Variants in SNAPC2 observed in about 807,000 individuals in gnomAD.
SNAPC2 encodes the protein small nuclear RNA activating complex polypeptide 2, also known as snRNA-activating protein complex subunit 2.
Under a neutral mutation model 22.9 loss-of-function variants are expected in SNAPC2, and 27 were observed. The ratio of observed to expected loss-of-function variants is 1.18; its 90% CI spans 0.87 to 1.63. The LOEUF is 1.63. Among genes scored for constraint, SNAPC2 ranks in the 40% most tolerant of loss-of-function variants. The probability of loss-of-function intolerance (pLI) is 0.00; values close to 1 mark genes in which losing one functional copy is unlikely to be tolerated. For synonymous variants in SNAPC2, 272 were observed against 201.0 expected (o/e 1.35, Z -2.99); for missense variants, 570 against 449.1 (o/e 1.27, Z -2.43).
In SNAPC2 at chr19:7,922,319, TG is replaced by T; in HGVS notation, c.659del (p.Gly220AlafsTer37). 6.2e-7 allele frequency: 1 copy of T among 1,613,666 alleles called. No individual in the cohort carries two copies. ...YKYLSSVSRS[G>X]RSPELSAAES... ...AGTACTTGTCCTCTGTCTCCCGAAG[TG>T]GCCGCAGCCCCGAGCTCTCAGCAGC... On this transcript the variant is annotated frameshift_variant, in exon 4 of 5. Transcript: ENST00000221573. LOFTEE classifies it low-confidence loss of function (END_TRUNC).
intron 1 of SNAPC2, 103 bp from the exon 2 acceptor site, chr19:7,921,320 G>A (rs1271277542): frequency 1.3e-5 from 21 of 1,571,312 alleles, no homozygotes; most frequent in Non-Finnish European, 1.8e-5. Flanking sequence ...GGAGACTAAG[G>A]CGCAGTAGCG....
chr19:7,921,127 G>A (rs999953537), intron 1 of SNAPC2: 2 of 1,331,318 alleles, frequency 1.5e-6, no homozygotes, highest in South Asian at 1.7e-5. Context: ...GAAGTGAGAG[G>A]GAATAGAGAA....
chr19:7,921,622 AGG>A, intron 2 of SNAPC2, 80 bp downstream of exon 2: 2 of 1,605,274 alleles, frequency 1.2e-6, no homozygotes, highest in Non-Finnish European at 1.7e-6. Flanking sequence ...TAACCTGATT[AGG>A]GGATCCCCAG....
chr19:7,921,908 G>C, intron 3 of SNAPC2, 127 bp from the exon 4 acceptor site: 2 of 1,382,918 alleles, frequency 1.4e-6, no homozygotes. Flanking sequence ...TCGAGCCTCA[G>C]TGTCCCTGGC....
In SNAPC2 at chr19:7,921,521, A is replaced by C; in HGVS notation, c.282A>C (p.Ala94=). ...TTCAGGGACCAAGGCGCCGGGAGGC[A>C]CAGCCCCCAGCCCCCATAGAGGTGA... ...GGLQGPRRRE[A]QPPAPIEVWT... is the part of the protein sequence containing the mutation. The change falls in exon 2 of 5, where the codon GCA becomes GCC. Residue 94 remains alanine, a synonymous_variant. Coordinates refer to ENST00000221573, the MANE Select transcript of SNAPC2 (RefSeq NM_003083.4). 6.2e-7 allele frequency: 1 copy of C among 1,613,406 alleles called. No individual in the cohort carries two copies. Among genetic ancestry groups the C allele is most frequent in the Non-Finnish European group, 8.5e-7 (1 of 1,179,684 alleles).
At position 7,922,586 on chromosome 19, in the gene SNAPC2, G is replaced by A. The variant is rs140072402; in HGVS notation, c.827G>A (p.Gly276Glu). 3.2e-5 allele frequency: 52 copies of A among 1,613,464 alleles called. No homozygotes were observed. The highest frequency in any genetic ancestry group is 4.0e-5 in the Non-Finnish European group (47 of 1,179,910). Residue 276 changes from glycine to glutamate, a missense_variant, in exon 5 of 5, where the codon GGG becomes GAG. By Grantham distance (98) the Gly-to-Glu change is moderately conservative (BLOSUM62 -2). Coordinates refer to ENST00000221573, the MANE Select transcript of SNAPC2 (RefSeq NM_003083.4). ...CCCATTCCCGCTGGAGGGAGCCTGG[G>A]GCCTGCAGCAGAAGGGGATGGGGCT... ...PQPIPAGGSL[G>E]PAAEGDGAGS... is the part of the protein sequence containing the mutation.
rs759434214 is a variant in SNAPC2, at chr19:7,921,412, T to C, written c.184-11T>C. 6.2e-7 allele frequency: 1 copy of C among 1,613,764 alleles called. No individual in the cohort carries two copies. The highest frequency in any genetic ancestry group is 8.5e-7 in the Non-Finnish European group (1 of 1,179,796). On this transcript the variant is annotated splice_polypyrimidine_tract_variant and intron_variant, in intron 1 of 4. Coordinates refer to ENST00000221573, the MANE Select transcript of SNAPC2 (RefSeq NM_003083.4). ...ATAGAAGCCTCATTCCGCCGCCTCT[T>C]TCCTTTCTAGATCCGGGTCTTCCTC...
At position 7,920,527 on chromosome 19, in the gene SNAPC2, T is replaced by G; in HGVS notation, c.161T>G (p.Leu54Arg). The stretch of plus-strand genomic sequence containing the variant: ...GACGCCACCGAGCTGGCCCGGGAGC[T>G]GCGGGGCCGGAGCGAGGCTGAGGTG... ...EPDATELARE[L>R]RGRSEAEIRV... Residue 54 changes from leucine to arginine, a missense_variant, in exon 1 of 5, where the codon CTG becomes CGG. Coordinates refer to ENST00000221573, the MANE Select transcript of SNAPC2 (RefSeq NM_003083.4). The G allele has an allele frequency of 7.2e-7, 1 of 1,389,702 alleles. No individual in the cohort carries two copies. Among genetic ancestry groups the G allele is most frequent in the Non-Finnish European group, 9.3e-7 (1 of 1,077,020 alleles). The allele number at this position is 1,389,702 out of a possible 1,614,324, so 86.1% of individuals were successfully genotyped here.
chr19:7,922,065 A>G lies in SNAPC2; in HGVS notation c.403A>G (p.Thr135Ala). The G allele has an allele frequency of 6.2e-7, 1 of 1,610,768 alleles. No homozygotes were observed. The highest frequency in any genetic ancestry group is 8.5e-7 in the Non-Finnish European group (1 of 1,177,854). The change falls in exon 4 of 5, where the codon ACC (threonine) becomes GCC (alanine). Residue 135 changes from threonine (T) to alanine (A), a missense_variant. Coordinates refer to ENST00000221573, the MANE Select transcript of SNAPC2 (RefSeq NM_003083.4). ...VLTIAATEPV[T>A]LLHSKPPKPT... ...CACCATCGCGGCCACGGAACCGGTC[A>G]CCCTCCTGCACTCCAAGCCCCCCAA... is the stretch of plus-strand genomic sequence containing the variant.
rs780432962 is a variant in SNAPC2 at position 7,922,218 on chromosome 19, CCT to C, written c.557_558del (p.Pro186ArgfsTer5). ...CGCACCCAGGACTCCTGACCCTGCC[CCT>C]GAGAAACCTTCTGAGTCGTCGGCTG... is the stretch of plus-strand genomic sequence containing the variant. Reference protein sequence around the residue: ...SSAPRTPDPAPEKPSESSAGP... With the variant: ...SSAPRTPDPAXEKPSESSAGP... On this transcript the variant is annotated frameshift_variant, in exon 4 of 5. Transcript: ENST00000221573. LOFTEE classifies it high-confidence loss of function. 5 of 1,614,044 alleles carry C rather than the reference CCT, an allele frequency of 3.1e-6. No individual in the cohort carries two copies. Among genetic ancestry groups the C allele is most frequent in the African/African-American group, 1.3e-5 (1 of 74,928 alleles).
intron 2 of SNAPC2, 62 bp from the exon 3 acceptor site, chr19:7,921,643 G>C (rs1983575088): frequency 1.2e-6 from 2 of 1,607,704 alleles, no homozygotes; most frequent in East Asian, 2.2e-5. Flanking sequence ...AGGAGGAGCA[G>C]GGCTTGGGGG....
chr19:7,921,443 G>A lies in SNAPC2; in HGVS notation c.204G>A (p.Gln68=), dbSNP rs1321245520. 1 of 1,613,856 alleles carries A rather than the reference G, an allele frequency of 6.2e-7. No individual in the cohort carries two copies. Among genetic ancestry groups the A allele is most frequent in the African/African-American group, 1.3e-5 (1 of 75,038 alleles). Residue 68 remains glutamine (Q), a synonymous_variant, in exon 2 of 5, where the codon CAG becomes CAA. Transcript: ENST00000221573. ...SEAEIRVFLQ[Q]LKGRVAREAI... is the part of the protein sequence containing the mutation. The stretch of plus-strand genomic sequence containing the variant: ...TCTAGATCCGGGTCTTCCTCCAGCA[G>A]CTCAAGGGCCGCGTAGCCCGGGAGG...
chr19:7,921,087 A>G, intron 1 of SNAPC2: 25 of 1,211,484 alleles, frequency 2.1e-5, no homozygotes, highest in Non-Finnish European at 2.6e-5. Context: ...GGCGAAAAGC[A>G]ACGCATGCTG....
intron 2 of SNAPC2, 28 bp downstream of exon 2, chr19:7,921,570 T>C: frequency 6.2e-7 from 1 of 1,606,300 alleles, no homozygotes; most frequent in South Asian, 1.1e-5. Flanking sequence ...GGTGAGGCTG[T>C]CCAGGGCAGG....
intron 1 of SNAPC2, 139 bp from the exon 2 acceptor site, chr19:7,921,284 C>G: frequency 4.1e-6 from 6 of 1,477,204 alleles, no homozygotes; most frequent in Non-Finnish European, 5.5e-6. Flanking sequence ...TTGGCAGTCA[C>G]TGGGACTCCT....
In SNAPC2 at chr19:7,921,559, G is replaced by A. The variant is rs1249508803; in HGVS notation, c.303+17G>A. The A allele has an allele frequency of 6.2e-7, 1 of 1,608,956 alleles. No individual in the cohort carries two copies. The highest frequency in any genetic ancestry group is 1.3e-5 in the African/African-American group (1 of 74,804). ...CCCATAGAGGTGAGGCAGATGAACA[G>A]GGTGAGGCTGTCCAGGGCAGGTCCC... On this transcript the variant is annotated intron_variant, in intron 2 of 4. Coordinates refer to ENST00000221573, the MANE Select transcript of SNAPC2 (RefSeq NM_003083.4).
chr19:7,922,047 G>T lies in SNAPC2; in HGVS notation c.385G>T (p.Ala129Ser). ...TTCTGCCTGCCAGGTGCTCACCATC[G>T]CGGCCACGGAACCGGTCACCCTCCT... ...AVAFSQVLTI[A>S]ATEPVTLLHS... The change falls in exon 4 of 5, where the codon GCG becomes TCG. Residue 129 changes from alanine (A) to serine (S), a missense_variant. Coordinates refer to ENST00000221573, the MANE Select transcript of SNAPC2 (RefSeq NM_003083.4). 1 of 1,608,080 alleles carries T rather than the reference G, an allele frequency of 6.2e-7. No homozygotes were observed. Among genetic ancestry groups the T allele is most frequent in the Non-Finnish European group, 8.5e-7 (1 of 1,175,940 alleles).
In SNAPC2 at chr19:7,921,522, C is replaced by G; in HGVS notation, c.283C>G (p.Gln95Glu). Residue 95 changes from glutamine to glutamate, a missense_variant, in exon 2 of 5, where the codon CAG (glutamine) becomes GAG (glutamate). Transcript: ENST00000221573. ...TCAGGGACCAAGGCGCCGGGAGGCA[C>G]AGCCCCCAGCCCCCATAGAGGTGAG... The part of the protein sequence containing the change: ...GLQGPRRREA[Q>E]PPAPIEVWTD... 1 of 1,612,844 alleles carries G rather than the reference C, an allele frequency of 6.2e-7. No homozygotes were observed. Among genetic ancestry groups the G allele is most frequent in the Non-Finnish European group, 8.5e-7 (1 of 1,179,394 alleles).
At position 7,921,558 on chromosome 19, in the gene SNAPC2, A is replaced by G. The variant is rs1414015963; in HGVS notation, c.303+16A>G. ...CCCCATAGAGGTGAGGCAGATGAAC[A>G]GGGTGAGGCTGTCCAGGGCAGGTCC... On this transcript the variant is annotated intron_variant, in intron 2 of 4. Transcript: ENST00000221573. 13 of 1,608,224 alleles carry G rather than the reference A, an allele frequency of 8.1e-6. No homozygotes were observed. Among genetic ancestry groups the G allele is most frequent in the Non-Finnish European group, 1.1e-5 (13 of 1,176,628 alleles).
Sources: gnomAD v4.1 joint callset for allele counts on GRCh38, gnomAD v4.1.1 for gene constraint, MANE v1.5 for transcripts, NCBI Gene and HGNC (gene_info 2026-07-23, HGNC 2026-07-21) for gene names.